Variants in NPIPB2 observed in about 807,000 individuals in gnomAD.
The protein encoded by NPIPB2 is nuclear pore complex interacting protein family member B2, also known as nuclear pore complex-interacting protein family member B2.
NPIPB2 carries 27 observed loss-of-function variants against 30.8 expected under a neutral mutation model. The ratio of observed to expected loss-of-function variants is 0.88; its 90% CI spans 0.65 to 1.21. The LOEUF (loss-of-function observed/expected upper bound fraction) is 1.21. Among genes scored for constraint, NPIPB2 ranks in the 50% most tolerant of loss-of-function variants. The probability of loss-of-function intolerance (pLI) is 0.00; values close to 1 mark genes in which losing one functional copy is unlikely to be tolerated. For missense variants in NPIPB2, 440 were observed against 446.2 expected (o/e 0.99, Z 0.13); for synonymous variants, 147 against 162.0 (o/e 0.91, Z 0.70).
chr16:11,952,520 C>G (rs1462821674), intron 1 of NPIPB2, among the ~76,000 whole-genome samples: 2 of 151,884 alleles, frequency 1.3e-5, no homozygotes, highest in African/African-American at 4.8e-5. Flanking sequence ...ATGACTAACC[C>G]CTACACCCGA....
upstream of NPIPB2, among the ~76,000 whole-genome samples, chr16:11,945,961 C>T (rs539055764): frequency 1.3e-4 from 20 of 150,514 alleles, no homozygotes; most frequent in South Asian, 4.2e-3. Flanking sequence ...TATATTATGA[C>T]TCCAGTGTTT....
At chr16:11,927,462 G>T in exon 8 of NPIPB2, 3 of 1,175,202 alleles carry the variant, frequency 2.6e-6, no homozygotes, top group South Asian at 1.4e-5. Context: ...GCGGCCCTCC[G>T]CCTCTTGGGT....
intron 2 of NPIPB2, among the ~76,000 whole-genome samples, chr16:11,934,226 TCACACACACACA>T (rs766087820): frequency 8.2e-6 from 1 of 121,752 alleles, no homozygotes; most frequent in Non-Finnish European, 1.7e-5. Flanking sequence ...TGAGACTCTG[TCACACACACACA>T]CACACACACA....
intron 1 of NPIPB2, among the ~76,000 whole-genome samples, chr16:11,953,655 T>C (rs1284341121): frequency 1.3e-5 from 2 of 151,804 alleles, no homozygotes; most frequent in South Asian, 4.2e-4. Flanking sequence ...TGGCCTGAGA[T>C]ACAACTATTT....
At chr16:11,970,667 C>G (rs1327435646) in intron 1 of NPIPB2, among the ~76,000 whole-genome samples, 1 of 152,056 alleles carries the variant, frequency 6.6e-6, no homozygotes, top group African/African-American at 2.4e-5. Context: ...TCCCGTGTAA[C>G]TGGGATTACA....
At chr16:11,939,410 A>T (rs1270275156) in intron 1 of NPIPB2, among the ~76,000 whole-genome samples, 2 of 150,624 alleles carry the variant, frequency 1.3e-5, no homozygotes, top group Non-Finnish European at 3.0e-5. Context: ...AATACAAAAA[A>T]TTAGCAGGGC....
At chr16:11,934,581 C>A (rs1164286632) in intron 2 of NPIPB2, among the ~76,000 whole-genome samples, 1 of 146,250 alleles carries the variant, frequency 6.8e-6, no homozygotes, top group Non-Finnish European at 1.5e-5. Flanking sequence ...AAAAAATAGG[C>A]CAGGTGCGGT....
rs1358574827 is a variant in NPIPB2 at position 11,933,657 on chromosome 16, A to T, written c.348T>A (p.Asn116Lys). 11 of 1,596,548 alleles carry T rather than the reference A, an allele frequency of 6.9e-6. No individual in the cohort carries two copies. The African/African-American group carries it at 1.3e-4, about 19-fold the overall frequency. ...TAATGACGTCTTTCAGGCCAATTTT[A>T]TTTCCTGGAAAGGAAGAAACTCTTT... The change falls in exon 4 of 8, where the codon AAT (asparagine) becomes AAA (lysine). Residue 116 changes from asparagine to lysine, a missense_variant. Coordinates refer to ENST00000399147, the Ensembl canonical transcript of NPIPB2.
chr16:11,963,136 T>C (rs2055166373), intron 1 of NPIPB2, among the ~76,000 whole-genome samples: 1 of 152,138 alleles, frequency 6.6e-6, no homozygotes, highest in South Asian at 2.1e-4. Flanking sequence ...TCCCAGCAGT[T>C]TGAGAGGCCA....
intron 1 of NPIPB2, among the ~76,000 whole-genome samples, chr16:11,953,471 C>A (rs1353683257): frequency 6.6e-6 from 1 of 152,132 alleles, no homozygotes; most frequent in Non-Finnish European, 1.5e-5. Flanking sequence ...CTGCCTCAGC[C>A]TCTCGAGTAG....
chr16:11,934,553 CAAAAAAAAAA>C (rs1184843851), intron 2 of NPIPB2, among the ~76,000 whole-genome samples: 1 of 73,020 alleles, frequency 1.4e-5, no homozygotes, highest in Non-Finnish European at 2.5e-5. Context: ...AACTCTGTCT[CAAAAAAAAAA>C]AAAAAAAAAA....
At chr16:11,965,212 T>C in intron 1 of NPIPB2, 2 of 1,430,264 alleles carry the variant, frequency 1.4e-6, no homozygotes, top group Non-Finnish European at 9.6e-7. Flanking sequence ...CGAAGTTCAT[T>C]GTTCTCAACA....
intron 1 of NPIPB2, among the ~76,000 whole-genome samples, chr16:11,939,241 A>G (rs1438373206): frequency 3.3e-5 from 5 of 151,666 alleles, no homozygotes; most frequent in Admixed American, 6.6e-5. Context: ...TCATTCACAA[A>G]TAAGTATCAA....
chr16:11,946,911 G>T (rs1245715856), upstream of NPIPB2, among the ~76,000 whole-genome samples: 1 of 151,400 alleles, frequency 6.6e-6, no homozygotes, highest in Non-Finnish European at 1.5e-5. Context: ...GTAGAGATGG[G>T]GTTTCATCAT....
chr16:11,974,283 C>A (rs951343819), intron 1 of NPIPB2, among the ~76,000 whole-genome samples: 1 of 152,020 alleles, frequency 6.6e-6, no homozygotes, highest in Non-Finnish European at 1.5e-5. Context: ...TTTGGGAGGC[C>A]GAGGAGGGTG....
chr16:11,974,045 G>C (rs1340350565), intron 1 of NPIPB2, among the ~76,000 whole-genome samples: 1 of 152,142 alleles, frequency 6.6e-6, no homozygotes, highest in Non-Finnish European at 1.5e-5. Context: ...GGGAAAAATT[G>C]TTATTTTTGG....
intron 1 of NPIPB2, among the ~76,000 whole-genome samples, chr16:11,976,251 C>A (rs558802571): frequency 6.6e-6 from 1 of 152,302 alleles, no homozygotes; most frequent in South Asian, 2.1e-4. Flanking sequence ...CATCCCCTCG[C>A]TCCTGTCAAC....
exon 2 of NPIPB2, chr16:11,937,576 A>G (rs757089773): frequency 9.3e-5 from 149 of 1,599,412 alleles, no homozygotes; most frequent in Non-Finnish European, 8.5e-5. Flanking sequence ...GGACAACTTT[A>G]TAACTTCTCG....
chr16:11,965,393 T>C (rs746189405), intron 1 of NPIPB2: 1 of 1,614,102 alleles, frequency 6.2e-7, no homozygotes, highest in African/African-American at 1.3e-5. Flanking sequence ...CTTGCATACC[T>C]TGTCAACTTC....
Sources: gnomAD v4.1 joint callset for allele counts (sites outside exome capture counted in the v4.1 genomes callset) on GRCh38, gnomAD v4.1.1 for gene constraint, MANE v1.5 for transcripts, NCBI Gene and HGNC (gene_info 2026-07-23, HGNC 2026-07-21) for gene names.